Variants in STAG1 observed in about 807,000 individuals in gnomAD.
The protein encoded by STAG1 is cohesin subunit SA-1.
In STAG1, 26 loss-of-function variants were observed where a neutral mutation model predicts 170.9. That is an observed-to-expected ratio of 0.15 (90% CI 0.11 to 0.21). The LOEUF is 0.21. STAG1 is among the 10% of genes least tolerant of loss of function. The pLI, the probability that STAG1 is intolerant of heterozygous loss-of-function variation, is 1.00. For synonymous variants in STAG1, 514 were observed against 497.7 expected (o/e 1.03, Z -0.44); for missense variants, 964 against 1,509.5 (o/e 0.64, Z 5.99).
At chr3:136,417,631 T>C (rs2087811952) in intron 21 of STAG1, 1 of 361,494 alleles carries the variant, frequency 2.8e-6, no homozygotes, top group Non-Finnish European at 5.0e-6. Flanking sequence ...GTATTTCTCC[T>C]AATAGAGAAA....
intron 12 of STAG1, among the ~76,000 whole-genome samples, chr3:136,470,736 A>C (rs1156473205): frequency 2.6e-5 from 4 of 152,196 alleles, no homozygotes; most frequent in East Asian, 1.9e-4. Flanking sequence ...AACCAACCCA[A>C]ATGTCCATCA....
intron 5 of STAG1, among the ~76,000 whole-genome samples, chr3:136,555,100 AAT>A (rs1491577949): frequency 7.4e-5 from 11 of 147,792 alleles, no homozygotes; most frequent in Non-Finnish European, 4.5e-5. Context: ...ATATATTTAT[AAT>A]ATATATATTA....
At chr3:136,617,609 A>T (rs1313110727) in intron 3 of STAG1, among the ~76,000 whole-genome samples, 1 of 152,200 alleles carries the variant, frequency 6.6e-6, no homozygotes, top group Non-Finnish European at 1.5e-5. Context: ...CAGGGTTGGT[A>T]CTTTTACTCT....
intron 1 of STAG1, among the ~76,000 whole-genome samples, chr3:136,682,866 C>T (rs756048793): frequency 2.6e-5 from 4 of 152,082 alleles, no homozygotes; most frequent in Admixed American, 6.6e-5. Context: ...GCAGAAGCAA[C>T]CCAAGTGTCT....
At chr3:136,488,536 A>T (rs1445376970) in intron 9 of STAG1, among the ~76,000 whole-genome samples, 1 of 152,254 alleles carries the variant, frequency 6.6e-6, no homozygotes, top group Non-Finnish European at 1.5e-5. Context: ...AATAATAACC[A>T]ATCATCTTAC....
At chr3:136,377,341 T>C (rs1319362721) in intron 23 of STAG1, among the ~76,000 whole-genome samples, 39 of 108,166 alleles carry the variant, frequency 3.6e-4, no homozygotes, top group African/African-American at 1.3e-3. Context: ...GAGCCGAGAT[T>C]GCGCCACTGC....
intron 29 of STAG1, among the ~76,000 whole-genome samples, chr3:136,348,471 T>C (rs1936316024): frequency 6.6e-6 from 1 of 152,106 alleles, no homozygotes; most frequent in African/African-American, 2.4e-5. Context: ...TGCAGTGGCA[T>C]GATCATAGCT....
At chr3:136,751,549 G>A (rs895231473) in intron 1 of STAG1, among the ~76,000 whole-genome samples, 4 of 152,130 alleles carry the variant, frequency 2.6e-5, no homozygotes, top group Non-Finnish European at 2.9e-5. Flanking sequence ...GGGCTGAGAG[G>A]GCAGATAGCT....
At chr3:136,659,558 G>A (rs773344179) in intron 1 of STAG1, among the ~76,000 whole-genome samples, 17 of 152,096 alleles carry the variant, frequency 1.1e-4, no homozygotes, top group Admixed American at 4.6e-4. Flanking sequence ...AACAACCAAA[G>A]CTCAACACAG....
chr3:136,418,040 A>T, intron 20 of STAG1, 68 bp from the exon 21 acceptor site: 1 of 1,181,190 alleles, frequency 8.5e-7, no homozygotes, highest in East Asian at 2.4e-5. Flanking sequence ...AGCTCAGTTC[A>T]GGTGAGTGGA....
At position 136,434,123 on chromosome 3, in the gene STAG1, A is replaced by G. The variant is rs1037990446; in HGVS notation, c.1547-464T>C. Reference sequence around the variant, plus strand: ...TCAGCCTTCTACTTATGGTCATTCAAATAATTTCCTGATTTTTGACACTGA... The same window carrying G: ...TCAGCCTTCTACTTATGGTCATTCAGATAATTTCCTGATTTTTGACACTGA... On this transcript the variant is annotated intron_variant, in intron 15 of 33. Coordinates refer to ENST00000383202, the MANE Select transcript of STAG1 (RefSeq NM_005862.3). 2.6e-5 allele frequency among the ~76,000 whole-genome samples: 4 copies of G among 152,144 alleles called. No individual in the cohort carries two copies. The East Asian group carries it at 7.7e-4, about 29-fold the overall frequency.
chr3:136,474,884 A>G (rs2089707772), intron 10 of STAG1, among the ~76,000 whole-genome samples: 1 of 152,116 alleles, frequency 6.6e-6, no homozygotes. Context: ...ATAGACCCCT[A>G]GGAGGTTATG....
chr3:136,339,980 C>A (rs1935898069), intron 32 of STAG1, among the ~76,000 whole-genome samples: 1 of 152,028 alleles, frequency 6.6e-6, no homozygotes, highest in Non-Finnish European at 1.5e-5. Flanking sequence ...GAGCTCTCTT[C>A]AAAGAAGGTA....
intron 6 of STAG1, among the ~76,000 whole-genome samples, chr3:136,536,982 C>T (rs1576582056): frequency 6.6e-6 from 1 of 152,082 alleles, no homozygotes; most frequent in Non-Finnish European, 1.5e-5. Context: ...TGCTCTTGTC[C>T]CCAATAGATC....
chr3:136,703,604 G>A (rs186800644), intron 1 of STAG1, among the ~76,000 whole-genome samples: 8 of 152,266 alleles, frequency 5.3e-5, no homozygotes, highest in African/African-American at 1.2e-4. Context: ...AGCTGACCAC[G>A]AAGATAACAG....
intron 28 of STAG1, among the ~76,000 whole-genome samples, chr3:136,355,516 A>G (rs1936618714): frequency 6.6e-6 from 1 of 152,138 alleles, no homozygotes; most frequent in Non-Finnish European, 1.5e-5. Context: ...ACAACTAAGC[A>G]AAAGATTAAC....
At chr3:136,464,842 T>G (rs369927859) in intron 13 of STAG1, 39 bp downstream of exon 13, 2 of 1,522,896 alleles carry the variant, frequency 1.3e-6, no homozygotes, top group Non-Finnish European at 1.8e-6. Context: ...GAAAACAACA[T>G]AGAAAAGTAG....
chr3:136,539,325 T>C (rs1935783833), intron 6 of STAG1, among the ~76,000 whole-genome samples: 1 of 152,076 alleles, frequency 6.6e-6, no homozygotes, highest in Non-Finnish European at 1.5e-5. Flanking sequence ...AATGCTGAAA[T>C]GGATAAATTT....
At chr3:136,499,737 C>G (rs192350193) in intron 9 of STAG1, 1 of 151,796 alleles carries the variant, frequency 6.6e-6, no homozygotes, top group African/African-American at 2.4e-5. Flanking sequence ...ATGTGTTTAT[C>G]TGAAAGGAAA....
Sources: allele counts gnomAD v4.1 joint callset (sites outside exome capture counted in the v4.1 genomes callset), GRCh38; gene constraint gnomAD v4.1.1; transcripts MANE v1.5; gene names NCBI Gene and HGNC (gene_info 2026-07-23, HGNC 2026-07-21).